Variants in FKBP5 observed in about 807,000 individuals in gnomAD.
FKBP5 encodes FKBP prolyl isomerase 5.
Under a neutral mutation model 50.5 loss-of-function variants are expected in FKBP5, and 23 were observed. That is an observed-to-expected ratio of 0.46 (90% confidence interval 0.33 to 0.65). FKBP5 has a LOEUF of 0.65. Among genes scored for constraint, FKBP5 ranks in the 30% least tolerant of loss-of-function variants. The pLI, the probability that FKBP5 is intolerant of heterozygous loss-of-function variation, is 0.02. For synonymous variants in FKBP5, 176 were observed against 190.6 expected (o/e 0.92, Z 0.63); for missense variants, 411 against 553.1 (o/e 0.74, Z 2.58).
At chr6:35,588,015 T>C (rs1456057003) in intron 7 of FKBP5, among the ~76,000 whole-genome samples, 2 of 150,422 alleles carry the variant, frequency 1.3e-5, no homozygotes, top group Admixed American at 1.3e-4. Flanking sequence ...TCTACTTTTA[T>C]TATTATTATT....
intron 5 of FKBP5, among the ~76,000 whole-genome samples, chr6:35,602,119 C>T (rs57744001): frequency 0.024 from 3,604 of 151,944 alleles, 93 homozygotes; most frequent in African/African-American, 0.057. Flanking sequence ...CACATGAACT[C>T]GATGTGCTGA....
intron 1 of FKBP5, 132 bp from the exon 2 acceptor site, chr6:35,642,975 AC>A: frequency 1.6e-6 from 1 of 611,462 alleles, no homozygotes; most frequent in Non-Finnish European, 2.9e-6. Context: ...GAAAATGAAA[AC>A]AAAGGCATTT....
chr6:35,646,321 G>A (rs1764629173), intron 1 of FKBP5, among the ~76,000 whole-genome samples: 2 of 152,194 alleles, frequency 1.3e-5, no homozygotes, highest in Non-Finnish European at 2.9e-5. Flanking sequence ...AGTAATCTCA[G>A]AGGATGGCTC....
chr6:35,698,842 T>C (rs1220442882), intron 2 of FKBP5, among the ~76,000 whole-genome samples: 1 of 151,862 alleles, frequency 6.6e-6, no homozygotes, highest in Non-Finnish European at 1.5e-5. Flanking sequence ...CAACCAGATC[T>C]CACAAGAACT....
intron 1 of FKBP5, among the ~76,000 whole-genome samples, chr6:35,656,727 T>C (rs1581857877): frequency 6.6e-6 from 1 of 151,548 alleles, no homozygotes; most frequent in African/African-American, 2.4e-5. Context: ...TGAAAACCCA[T>C]CTCTACTAAA....
At chr6:35,712,800 G>T (rs1164056189) in intron 2 of FKBP5, among the ~76,000 whole-genome samples, 3 of 152,154 alleles carry the variant, frequency 2.0e-5, no homozygotes, top group Non-Finnish European at 4.4e-5. Flanking sequence ...GGCAGGAACT[G>T]GGCTGACCCT....
At chr6:35,700,164 T>C (rs1766154260) in intron 2 of FKBP5, among the ~76,000 whole-genome samples, 1 of 152,118 alleles carries the variant, frequency 6.6e-6, no homozygotes, top group African/African-American at 2.4e-5. Context: ...TCTTTTTTAT[T>C]TTATTTATTT....
chr6:35,677,050 G>A (rs978620956), intron 1 of FKBP5, among the ~76,000 whole-genome samples: 4 of 152,098 alleles, frequency 2.6e-5, no homozygotes, highest in African/African-American at 7.2e-5. Context: ...CATTTTCAGC[G>A]AAGGTGGATT....
chr6:35,656,774 G>A (rs1024036486), intron 1 of FKBP5, among the ~76,000 whole-genome samples: 7 of 151,898 alleles, frequency 4.6e-5, no homozygotes. Context: ...GCGCGTGCCT[G>A]TAATCCCAGC....
At chr6:35,619,364 C>CA (rs75235862) in intron 4 of FKBP5, among the ~76,000 whole-genome samples, 154 bp from the exon 5 acceptor site, 1,626 of 130,588 alleles carry the variant, frequency 0.012, 16 homozygotes, top group African/African-American at 0.025. Context: ...GGAAAAGTAG[C>CA]AAAAAAAAAA....
intron 8 of FKBP5, chr6:35,584,724 T>C: frequency 3.0e-6 from 3 of 985,478 alleles, no homozygotes; most frequent in Non-Finnish European, 3.6e-6. Flanking sequence ...CTCAGGTCAG[T>C]GGTTTTGAAC....
intron 1 of FKBP5, among the ~76,000 whole-genome samples, chr6:35,725,912 C>G (rs918202861): frequency 6.6e-6 from 1 of 152,150 alleles, no homozygotes; most frequent in African/African-American, 2.4e-5. Flanking sequence ...TCCCACAGCT[C>G]GGGGCACCGC....
In FKBP5 at chr6:35,636,995, CA is replaced by C. The variant is rs746780466; in HGVS notation, c.250+18del. The C allele has an allele frequency of 1.9e-5, 30 of 1,573,110 alleles. No individual in the cohort carries two copies. Among genetic ancestry groups the C allele is most frequent in the Admixed American group, 1.7e-4 (8 of 46,630 alleles). On this transcript the variant is annotated intron_variant, in intron 3 of 10. Coordinates refer to ENST00000357266, the MANE Select transcript of FKBP5 (RefSeq NM_004117.4). ...TAATAAAGCTAAGTAAAACACAACT[CA>C]AAAAAATACCCTCTTACCTTTGCCA...
rs60390656 is a variant in FKBP5 at position 35,696,144 on chromosome 6, CAAAAAAA to C, written c.-20+24177_-20+24183del. 7.8e-5 allele frequency among the ~76,000 whole-genome samples: 5 copies of C among 64,474 alleles called. No individual in the cohort carries two copies. The South Asian group carries it at 3.1e-3, about 40-fold the overall frequency. 42.3% of individuals were successfully genotyped at this position (64,474 alleles called of 152,430 possible). ...TGGGCGACAGTGTGAGACTCTGTCT[CAAAAAAA>C]AAAAAAAAAAAAAGACAGTCTTTAG... On this transcript the variant is annotated intron_variant, in intron 2 of 11. Transcript: ENST00000536438.
At chr6:35,693,320 G>A (rs556839531), upstream of FKBP5, among the ~76,000 whole-genome samples, 20 of 151,120 alleles carry the variant, frequency 1.3e-4, no homozygotes, top group East Asian at 3.5e-3. Context: ...CCGCCACCAC[G>A]CCCAGCTAAT....
chr6:35,621,723 T>C (rs999614504), intron 3 of FKBP5, among the ~76,000 whole-genome samples: 2 of 152,020 alleles, frequency 1.3e-5, no homozygotes, highest in Admixed American at 1.3e-4. Flanking sequence ...TAATCCCAGC[T>C]GTAATCCCAG....
At position 35,699,434 on chromosome 6, in the gene FKBP5, A is replaced by C. The variant is rs540691813; in HGVS notation, c.-20+20894T>G. On this transcript the variant is annotated intron_variant, in intron 2 of 11. Coordinates refer to the FKBP5 transcript ENST00000536438. ...AACTAACAATGGTGTGAATATTCAG[A>C]TACACAGTTATCTGGGGACGACCAA... 5.9e-5 allele frequency among the ~76,000 whole-genome samples: 9 copies of C among 152,302 alleles called. No homozygotes were observed. The South Asian group carries it at 1.9e-3, about 32-fold the overall frequency.
At chr6:35,712,731 G>T (rs1285217084) in intron 2 of FKBP5, among the ~76,000 whole-genome samples, 3 of 152,156 alleles carry the variant, frequency 2.0e-5, no homozygotes, top group African/African-American at 7.2e-5. Flanking sequence ...TGGTAAGCTG[G>T]CTACCCTCAG....
At chr6:35,589,110 T>TTTATA (rs1355058388) in intron 7 of FKBP5, among the ~76,000 whole-genome samples, 2 of 103,006 alleles carry the variant, frequency 1.9e-5, no homozygotes, top group African/African-American at 8.5e-5. Context: ...ATATATATTT[T>TTTATA]TATATATATA....
Sources: allele counts gnomAD v4.1 joint callset (sites outside exome capture counted in the v4.1 genomes callset), GRCh38; gene constraint gnomAD v4.1.1; transcripts MANE v1.5; gene names NCBI Gene and HGNC (gene_info 2026-07-23, HGNC 2026-07-21).